Variants in PPP1R15B observed in about 807,000 individuals in gnomAD.
PPP1R15B encodes protein phosphatase 1 regulatory subunit 15B, also known as protein phosphatase 1, regulatory (inhibitor) subunit 15B.
A neutral mutation model predicts 53.9 loss-of-function variants in PPP1R15B; 31 were observed. That is an observed-to-expected ratio of 0.58 (90% CI 0.43 to 0.78). PPP1R15B has a LOEUF of 0.78. Among genes scored for constraint, PPP1R15B ranks in the 30% least tolerant of loss-of-function variants. The pLI is 0.00. For missense variants in PPP1R15B, 928 were observed against 849.6 expected (o/e 1.09, Z -1.15); for synonymous variants, 345 against 329.1 (o/e 1.05, Z -0.52).
rs111725786 is a variant in PPP1R15B, at chr1:204,409,526, G to C, written c.1886C>G (p.Ser629Cys). 8.3e-4 allele frequency: 1,332 copies of C among 1,613,160 alleles called. 16 individuals are homozygous for C. The African/African-American group carries it at 0.015, about 18-fold the overall frequency. The change falls in exon 1 of 2, where the codon TCT becomes TGT. Residue 629 changes from serine (S) to cysteine (C), a missense_variant. Transcript: ENST00000367188. ...CPDSVQRDVL[S>C]GGRHTHVKRK... ...TTTGACATGTGTGTGTCTTCCTCCA[G>C]AAAGAACGTCACGCTGTACCGAGTC...
intron 1 of PPP1R15B, among the ~76,000 whole-genome samples, chr1:204,407,261 G>A (rs1376866455): frequency 6.6e-6 from 1 of 152,134 alleles, no homozygotes; most frequent in Non-Finnish European, 1.5e-5. Flanking sequence ...AGTAAACAAA[G>A]TATAGCAAAA....
Position 204,403,418 on chromosome 1 carries a change from TAC to T in PPP1R15B, c.*2672_*2673del, listed in dbSNP as rs771401523. 8.8e-5 allele frequency: 65 copies of T among 734,810 alleles called. No individual in the cohort carries two copies. The highest frequency in any genetic ancestry group is 1.0e-4 in the Non-Finnish European group (60 of 601,458). 45.5% of individuals were successfully genotyped at this position (734,810 alleles called of 1,614,324 possible). ...AATTGCAAATATATTTATTACAATT[TAC>T]AGATTAGTTATGTTATATACACAAA... On this transcript the variant is annotated 3_prime_UTR_variant, in exon 2 of 2. Coordinates refer to ENST00000367188, the MANE Select transcript of PPP1R15B (RefSeq NM_032833.5).
downstream of PPP1R15B, among the ~76,000 whole-genome samples, chr1:204,400,382 G>C (rs1396051571): frequency 2.0e-5 from 3 of 149,642 alleles, no homozygotes; most frequent in African/African-American, 7.4e-5. Flanking sequence ...GTCTCACTTT[G>C]TCGTGCAGGC....
chr1:204,398,796 C>G (rs1674130269), downstream of PPP1R15B, among the ~76,000 whole-genome samples: 1 of 152,176 alleles, frequency 6.6e-6, no homozygotes, highest in South Asian at 2.1e-4. Flanking sequence ...GCTAAAACCC[C>G]TGGTGTGGTG....
downstream of PPP1R15B, among the ~76,000 whole-genome samples, chr1:204,399,288 C>T (rs920094155): frequency 6.6e-6 from 1 of 152,106 alleles, no homozygotes; most frequent in East Asian, 1.9e-4. Flanking sequence ...AGAGTCCAGG[C>T]GTGGTGGCTC....
Position 204,405,331 on chromosome 1 carries a change from A to G in PPP1R15B, c.*761T>C, listed in dbSNP as rs576472920. On this transcript the variant is annotated 3_prime_UTR_variant, in exon 2 of 2. Transcript: ENST00000367188. The stretch of plus-strand genomic sequence containing the variant: ...GAACTATATTAAACTGGGAACTACA[A>G]TAACGTACACAGAACCCTCTTCAAA... The G allele has an allele frequency of 4.1e-6, 4 of 981,914 alleles. No homozygotes were observed. The highest frequency in any genetic ancestry group is 1.1e-4 in the East Asian group (1 of 8,792). The allele number at this position is 981,914 out of a possible 1,614,324, so 60.8% of individuals were successfully genotyped here.
At position 204,409,648 on chromosome 1, in the gene PPP1R15B, T is replaced by TA; in HGVS notation, c.1763_1764insT (p.Thr590AspfsTer4). ...CCACAATGGACTCAGATGGGGTCTT[T>TA]GAGTCACGACAGCCTTTCTCATTTT... On this transcript the variant is annotated frameshift_variant, in exon 1 of 2. Coordinates refer to ENST00000367188, the MANE Select transcript of PPP1R15B (RefSeq NM_032833.5). LOFTEE classifies it high-confidence loss of function. The TA allele has an allele frequency of 6.2e-7, 1 of 1,613,682 alleles. No homozygotes were observed. The highest frequency in any genetic ancestry group is 1.1e-5 in the South Asian group (1 of 91,074).
downstream of PPP1R15B, among the ~76,000 whole-genome samples, chr1:204,399,528 G>A (rs1189511110): frequency 1.3e-5 from 2 of 151,464 alleles, no homozygotes; most frequent in African/African-American, 4.9e-5. Context: ...TTGCACTCCA[G>A]TCTGGGTGAT....
downstream of PPP1R15B, among the ~76,000 whole-genome samples, chr1:204,401,715 C>T (rs1356547990): frequency 6.6e-6 from 1 of 152,124 alleles, no homozygotes; most frequent in Non-Finnish European, 1.5e-5. Context: ...ATCTAAATTT[C>T]TGAGGTCTCA....
At position 204,408,281 on chromosome 1, in the gene PPP1R15B, T is replaced by C. The variant is rs752442305; in HGVS notation, c.1920+1211A>G. ...GTGCTCATTCCATTGCCCCACTTTG[T>C]TTCTTACCTATTCATTCTAAATAGG... On this transcript the variant is annotated intron_variant, in intron 1 of 1. Transcript: ENST00000367188. Among the ~76,000 whole-genome samples, 65 of 152,236 alleles carry C rather than the reference T, an allele frequency of 4.3e-4. 1 individual carries two copies. The highest frequency in any genetic ancestry group is 1.2e-4 in the Non-Finnish European group (8 of 68,048).
At position 204,404,402 on chromosome 1, in the gene PPP1R15B, G is replaced by A. The variant is rs1297794320; in HGVS notation, c.*1690C>T. 4 of 523,372 alleles carry A rather than the reference G, an allele frequency of 7.6e-6. No homozygotes were observed. Among genetic ancestry groups the A allele is most frequent in the Non-Finnish European group, 9.8e-6 (4 of 408,704 alleles). 32.4% of individuals were successfully genotyped at this position (523,372 alleles called of 1,614,324 possible). A position where few individuals can be genotyped will look rare whatever the true frequency, so the allele number is the denominator to read the frequency against. On this transcript the variant is annotated 3_prime_UTR_variant, in exon 2 of 2. Transcript: ENST00000367188. ...CGGGAGGCTGAGGCAGGAGAATCGC[G>A]TGAACCCAGGAGGCGGAGGTTGCAG...
Position 204,410,360 on chromosome 1 carries a change from CCAGCAG to C in PPP1R15B, c.1046_1051del (p.Ala349_Ala350del). 1 of 1,614,184 alleles carries C rather than the reference CCAGCAG, an allele frequency of 6.2e-7. No homozygotes were observed. The highest frequency in any genetic ancestry group is 8.5e-7 in the Non-Finnish European group (1 of 1,180,040). ...TTCCTGGGTGTTTCCAGGAATGTCT[CCAGCAG>C]CAGGAACAAACTGTGTTGGGTTATC... On this transcript the variant is annotated inframe_deletion, in exon 1 of 2. Transcript: ENST00000367188.
At chr1:204,398,669 T>C (rs912329220), downstream of PPP1R15B, among the ~76,000 whole-genome samples, 5 of 151,972 alleles carry the variant, frequency 3.3e-5, no homozygotes, top group Non-Finnish European at 7.4e-5. Context: ...AGGGGAGCAA[T>C]AGCAACCAGA....
At position 204,409,862 on chromosome 1, in the gene PPP1R15B, T is replaced by A. The variant is rs892013812; in HGVS notation, c.1550A>T (p.Lys517Met). 6.2e-7 allele frequency: 1 copy of A among 1,614,140 alleles called. No individual in the cohort carries two copies. Among genetic ancestry groups the A allele is most frequent in the Admixed American group, 1.7e-5 (1 of 60,020 alleles). The change falls in exon 1 of 2, where the codon AAG becomes ATG. Residue 517 changes from lysine (K) to methionine (M), a missense_variant. Physicochemically the swap from Lys to Met is moderately conservative, Grantham distance 95. Coordinates refer to ENST00000367188, the MANE Select transcript of PPP1R15B (RefSeq NM_032833.5). ...PSDSEKDLSG[K>M]SDLENSSQSG... ...CTGGGAGGAATTCTCTAGATCAGACTTGCCAGACAAATCCTTCTCTGAATC... is the reference window on the plus strand; with the variant it reads ...CTGGGAGGAATTCTCTAGATCAGACATGCCAGACAAATCCTTCTCTGAATC...
chr1:204,396,278 C>T (rs1674099030), downstream of PPP1R15B, among the ~76,000 whole-genome samples: 1 of 148,830 alleles, frequency 6.7e-6, no homozygotes, highest in African/African-American at 2.5e-5. Flanking sequence ...GAGGCCAAAA[C>T]AGGCAGATCT....
downstream of PPP1R15B, among the ~76,000 whole-genome samples, chr1:204,397,421 G>A (rs527858516): frequency 6.6e-6 from 1 of 151,924 alleles, no homozygotes; most frequent in Non-Finnish European, 1.5e-5. Context: ...AGCTACTTGG[G>A]AGGCTGAGAC....
chr1:204,397,457 C>T (rs143828314), downstream of PPP1R15B, among the ~76,000 whole-genome samples: 3,093 of 151,216 alleles, frequency 0.02, 48 homozygotes, highest in Non-Finnish European at 0.033. Context: ...GCCCAGGACG[C>T]GGAGGTTACA....
Position 204,405,660 on chromosome 1 carries a change from G to A in PPP1R15B, c.*432C>T. 3.0e-6 allele frequency: 3 copies of A among 983,792 alleles called. No homozygotes were observed. Among genetic ancestry groups the A allele is most frequent in the Non-Finnish European group, 3.6e-6 (3 of 827,954 alleles). The allele number at this position is 983,792 out of a possible 1,614,324, so 60.9% of individuals were successfully genotyped here. On this transcript the variant is annotated 3_prime_UTR_variant, in exon 2 of 2. Coordinates refer to ENST00000367188, the MANE Select transcript of PPP1R15B (RefSeq NM_032833.5). ...AAAACATAAAAGCCCATTAACTTCT[G>A]AATTTTGGGAAAGAAACAAGAAAGA...
chr1:204,401,054 C>T (rs1674171587), downstream of PPP1R15B, among the ~76,000 whole-genome samples: 2 of 152,190 alleles, frequency 1.3e-5, no homozygotes, highest in South Asian at 2.1e-4. Context: ...AAGATTAAGG[C>T]GTCTGCCAGT....
Sources: gnomAD v4.1 joint callset for allele counts (sites outside exome capture counted in the v4.1 genomes callset) on GRCh38, gnomAD v4.1.1 for gene constraint, MANE v1.5 for transcripts, NCBI Gene and HGNC (gene_info 2026-07-23, HGNC 2026-07-21) for gene names.